Variants in COL14A1 observed in about 807,000 individuals in gnomAD.
COL14A1 encodes collagen alpha-1(XIV) chain.
In COL14A1, 136 loss-of-function variants were observed where a neutral mutation model predicts 230.3. The ratio of observed to expected loss-of-function variants is 0.59; its 90% CI spans 0.51 to 0.68. COL14A1 has a LOEUF of 0.68. COL14A1 is among the 30% of genes least tolerant of loss of function. COL14A1 has a pLI of 0.00. For missense variants in COL14A1, 1,976 were observed against 2,215.8 expected (o/e 0.89, Z 2.17); for synonymous variants, 792 against 784.1 (o/e 1.01, Z -0.17).
intron 5 of COL14A1, among the ~76,000 whole-genome samples, chr8:120,173,898 A>G (rs1816186993): frequency 6.6e-6 from 1 of 152,192 alleles, no homozygotes; most frequent in African/African-American, 2.4e-5. Context: ...AAACAAATCT[A>G]TTAACGAGTT....
At chr8:120,213,032 C>T (rs577135384) in intron 13 of COL14A1, among the ~76,000 whole-genome samples, 350 of 152,300 alleles carry the variant, frequency 2.3e-3, no homozygotes, top group Non-Finnish European at 4.1e-3. Context: ...ACACTCAGCA[C>T]ATAGTTACTG....
At chr8:120,339,407 C>G (rs1463323877) in intron 42 of COL14A1, among the ~76,000 whole-genome samples, 1 of 152,208 alleles carries the variant, frequency 6.6e-6, no homozygotes, top group Non-Finnish European at 1.5e-5. Flanking sequence ...TTGTGAGGAT[C>G]TTCTTTCTCT....
chr8:120,328,834 G>A (rs1426164948), intron 40 of COL14A1, among the ~76,000 whole-genome samples: 1 of 152,150 alleles, frequency 6.6e-6, no homozygotes, highest in Non-Finnish European at 1.5e-5. Context: ...CTCCTTCTGT[G>A]AAAAAGATTC....
At chr8:120,199,998 AGTT>A (rs1563667537) in intron 8 of COL14A1, among the ~76,000 whole-genome samples, 2 of 79,924 alleles carry the variant, frequency 2.5e-5, no homozygotes, top group Non-Finnish European at 4.7e-5. Context: ...GATTTGTAGT[AGTT>A]CTTATCTGAA....
chr8:120,316,075 T>A (rs1045844239), intron 40 of COL14A1, 78 bp downstream of exon 40: 2 of 1,444,840 alleles, frequency 1.4e-6, no homozygotes, highest in Middle Eastern at 3.5e-4. Context: ...GACAGGCTTC[T>A]ATGTAAGGGA....
At chr8:120,311,261 C>T (rs1821028084) in intron 37 of COL14A1, among the ~76,000 whole-genome samples, 1 of 152,142 alleles carries the variant, frequency 6.6e-6, no homozygotes, top group South Asian at 2.1e-4. Flanking sequence ...TCTTCTCAAG[C>T]AAGGGTGCAC....
intron 44 of COL14A1, among the ~76,000 whole-genome samples, chr8:120,342,872 A>G (rs970760693): frequency 6.6e-6 from 1 of 152,210 alleles, no homozygotes. Context: ...ATTTAAATGA[A>G]TATTTCCTTC....
At chr8:120,293,171 T>C (rs140292149) in intron 34 of COL14A1, among the ~76,000 whole-genome samples, 1 of 152,134 alleles carries the variant, frequency 6.6e-6, no homozygotes, top group African/African-American at 2.4e-5. Context: ...ACCTTTCAAA[T>C]CTAATACTTA....
At chr8:120,291,366 CCTGT>C (rs1158688578) in intron 34 of COL14A1, among the ~76,000 whole-genome samples, 1 of 151,846 alleles carries the variant, frequency 6.6e-6, no homozygotes, top group Non-Finnish European at 1.5e-5. Context: ...TCAAGACCGT[CCTGT>C]CTAACATGGT....
intron 45 of COL14A1, among the ~76,000 whole-genome samples, chr8:120,363,657 A>G (rs754546179): frequency 1.5e-4 from 23 of 152,218 alleles, no homozygotes; most frequent in Admixed American, 5.9e-4. Flanking sequence ...GTCTTCCAGT[A>G]TTTATTGGGC....
Position 120,229,681 on chromosome 8 carries a change from C to T in COL14A1, c.2197+912C>T, listed in dbSNP as rs541552555. Among the ~76,000 whole-genome samples, 162 of 152,244 alleles carry T rather than the reference C, an allele frequency of 1.1e-3. 1 individual carries two copies. The highest frequency in any genetic ancestry group is 3.3e-3 in the African/African-American group (136 of 41,534). ...TGCTAGTTCTAGATCCCTGAGGAATCGCCACACTGTCTTCCACAATGATTG... is the reference window on the plus strand; with the variant it reads ...TGCTAGTTCTAGATCCCTGAGGAATTGCCACACTGTCTTCCACAATGATTG... On this transcript the variant is annotated intron_variant, in intron 18 of 47. Transcript: ENST00000297848.
chr8:120,129,399 GA>G (rs1386272218), intron 1 of COL14A1, among the ~76,000 whole-genome samples: 2 of 152,040 alleles, frequency 1.3e-5, no homozygotes, highest in Non-Finnish European at 2.9e-5. Flanking sequence ...GTCAGTGTTT[GA>G]AAAAAATGAA....
At chr8:120,140,741 A>G (rs1814878819) in intron 1 of COL14A1, among the ~76,000 whole-genome samples, 1 of 152,188 alleles carries the variant, frequency 6.6e-6, no homozygotes, top group African/African-American at 2.4e-5. Context: ...AATTTTGTGG[A>G]TGCCTGTAAG....
chr8:120,287,612 G>A (rs1336694144), intron 33 of COL14A1, among the ~76,000 whole-genome samples: 2 of 152,022 alleles, frequency 1.3e-5, no homozygotes, highest in African/African-American at 4.8e-5. Flanking sequence ...AAGAAGTGAG[G>A]TTCATTAAAA....
intron 45 of COL14A1, among the ~76,000 whole-genome samples, chr8:120,357,447 A>C (rs1201138999): frequency 6.6e-6 from 1 of 152,102 alleles, no homozygotes; most frequent in Non-Finnish European, 1.5e-5. Context: ...AGTTCCCATT[A>C]TGATTTTGAC....
intron 1 of COL14A1, among the ~76,000 whole-genome samples, chr8:120,138,351 G>A (rs1814777918): frequency 6.6e-6 from 1 of 152,050 alleles, no homozygotes; most frequent in Non-Finnish European, 1.5e-5. Context: ...GAAATGTCCA[G>A]GATTTGAGGG....
At chr8:120,296,899 C>T (rs1050569168) in intron 34 of COL14A1, among the ~76,000 whole-genome samples, 1 of 151,884 alleles carries the variant, frequency 6.6e-6, no homozygotes, top group Non-Finnish European at 1.5e-5. Flanking sequence ...TTTATGTGCT[C>T]CCCTCTCACT....
chr8:120,226,355 C>T (rs918569043), intron 15 of COL14A1, among the ~76,000 whole-genome samples: 1 of 151,234 alleles, frequency 6.6e-6, no homozygotes, highest in African/African-American at 2.4e-5. Context: ...TTAATGAAAA[C>T]AGCCAAATAG....
chr8:120,229,161 G>A (rs1222439543), intron 18 of COL14A1, among the ~76,000 whole-genome samples: 1 of 145,382 alleles, frequency 6.9e-6, no homozygotes, highest in Non-Finnish European at 1.5e-5. Context: ...TGCACAATTT[G>A]CAGGTTAGTT....
Sources: gnomAD v4.1 joint callset for allele counts (sites outside exome capture counted in the v4.1 genomes callset) on GRCh38, gnomAD v4.1.1 for gene constraint, MANE v1.5 for transcripts, NCBI Gene and HGNC (gene_info 2026-07-23, HGNC 2026-07-21) for gene names.